Variants in MAGI2 observed in about 807,000 individuals in gnomAD.
The protein encoded by MAGI2 is membrane-associated guanylate kinase, WW and PDZ domain-containing protein 2.
In MAGI2, 35 loss-of-function variants were observed where a neutral mutation model predicts 133.3. That is an observed-to-expected ratio of 0.26 (90% CI 0.20 to 0.35). The LOEUF (loss-of-function observed/expected upper bound fraction) is 0.35. Among genes scored for constraint, MAGI2 ranks in the 10% least tolerant of loss-of-function variants. The pLI is 1.00. For synonymous variants in MAGI2, 729 were observed against 710.6 expected, an observed-to-expected ratio of 1.03 and a Z score of -0.41; for missense variants, 1,636 against 1,863.4, an observed-to-expected ratio of 0.88 and a Z score of 2.25.
At chr7:79,205,766 T>C (rs1422903197) in intron 1 of MAGI2, among the ~76,000 whole-genome samples, 1 of 151,850 alleles carries the variant, frequency 6.6e-6, no homozygotes, top group Non-Finnish European at 1.5e-5. Flanking sequence ...GGTGTGTGTG[T>C]GTGTGTGTGT....
intron 14 of MAGI2, among the ~76,000 whole-genome samples, chr7:78,176,058 G>C (rs1265535667): frequency 1.3e-5 from 2 of 152,134 alleles, no homozygotes; most frequent in Admixed American, 6.5e-5. Context: ...AGGGAGGCTG[G>C]AGGGCTGACT....
chr7:78,250,366 A>T (rs963688960), intron 10 of MAGI2, among the ~76,000 whole-genome samples: 1 of 152,138 alleles, frequency 6.6e-6, no homozygotes, highest in African/African-American at 2.4e-5. Flanking sequence ...AACACAACAT[A>T]GTAAAATTTA....
chr7:78,345,931 C>T lies in MAGI2; in HGVS notation c.1216G>A (p.Gly406Ser). Residue 406 changes from glycine (G) to serine (S), a missense_variant, in exon 8 of 22, where the codon GGT (glycine) becomes AGT (serine). Transcript: ENST00000354212. Reference protein sequence around the residue: ...ELGTKPLQAPGFREKPLFTRD... With the variant: ...ELGTKPLQAPSFREKPLFTRD... ...CTGACAGGTATCATACCTCGGAAAC[C>T]TGGGGCCTGCAGGGGCTTTGTTCCA... 1 of 1,614,020 alleles carries T rather than the reference C, an allele frequency of 6.2e-7. No homozygotes were observed. Among genetic ancestry groups the T allele is most frequent in the Non-Finnish European group, 8.5e-7 (1 of 1,180,010 alleles).
intron 2 of MAGI2, among the ~76,000 whole-genome samples, chr7:78,784,360 C>G (rs1231592091): frequency 6.6e-6 from 1 of 152,134 alleles, no homozygotes; most frequent in Admixed American, 6.6e-5. Flanking sequence ...CCTCCTGTCT[C>G]TTGCTCCTCA....
chr7:79,091,621 C>A (rs62460840), intron 1 of MAGI2, among the ~76,000 whole-genome samples: 1 of 151,482 alleles, frequency 6.6e-6, no homozygotes, highest in Non-Finnish European at 1.5e-5. Flanking sequence ...TAAAAAAAGT[C>A]TCTTAGAATC....
intron 3 of MAGI2, among the ~76,000 whole-genome samples, chr7:78,602,950 T>A (rs562063819): frequency 6.6e-6 from 1 of 152,296 alleles, no homozygotes; most frequent in South Asian, 2.1e-4. Context: ...AAATAAGAAT[T>A]ACAATAATGG....
chr7:78,750,326 G>C lies in MAGI2; in HGVS notation c.419-123087C>G, dbSNP rs1198913911. 4.6e-5 allele frequency among the ~76,000 whole-genome samples: 7 copies of C among 152,240 alleles called. No individual in the cohort carries two copies. The East Asian group carries it at 1.4e-3, about 29-fold the overall frequency. On this transcript the variant is annotated intron_variant, in intron 2 of 21. Coordinates refer to ENST00000354212, the MANE Select transcript of MAGI2 (RefSeq NM_012301.4). ...TTCCAAGTCTTTGCTATTGTGAACAGTGCTGCAATAAACATATGTGTGTAC... is the reference window on the plus strand; with the variant it reads ...TTCCAAGTCTTTGCTATTGTGAACACTGCTGCAATAAACATATGTGTGTAC...
At chr7:78,169,838 A>G (rs1276299108) in intron 14 of MAGI2, among the ~76,000 whole-genome samples, 3 of 152,198 alleles carry the variant, frequency 2.0e-5, no homozygotes, top group Non-Finnish European at 4.4e-5. Flanking sequence ...ACAGTCCAGA[A>G]GTTGGGTATG....
At chr7:79,348,988 T>C (rs1229128762) in intron 1 of MAGI2, among the ~76,000 whole-genome samples, 3 of 151,938 alleles carry the variant, frequency 2.0e-5, no homozygotes, top group African/African-American at 7.2e-5. Context: ...AGTCTTAAAG[T>C]ATTTAGCTCA....
chr7:78,053,519 G>T (rs1282240385), intron 21 of MAGI2, among the ~76,000 whole-genome samples: 1 of 152,224 alleles, frequency 6.6e-6, no homozygotes, highest in Non-Finnish European at 1.5e-5. Context: ...ATATTTGAAG[G>T]TCAAAAAGTG....
At chr7:79,064,804 A>T (rs1296076561) in intron 1 of MAGI2, among the ~76,000 whole-genome samples, 4 of 152,070 alleles carry the variant, frequency 2.6e-5, no homozygotes, top group African/African-American at 9.7e-5. Context: ...CGGCTGTTTC[A>T]CTAGGTTGTA....
At chr7:78,289,985 C>T (rs1796534892) in intron 9 of MAGI2, among the ~76,000 whole-genome samples, 1 of 152,136 alleles carries the variant, frequency 6.6e-6, no homozygotes, top group African/African-American at 2.4e-5. Context: ...CAACCGGTAC[C>T]AGCCACTGCA....
intron 3 of MAGI2, among the ~76,000 whole-genome samples, chr7:78,547,201 T>C (rs577528726): frequency 1.3e-5 from 2 of 152,330 alleles, no homozygotes; most frequent in Non-Finnish European, 2.9e-5. Flanking sequence ...CTTCTAATAC[T>C]AAATATTGAA....
At chr7:78,236,169 T>C (rs1287590424) in intron 10 of MAGI2, among the ~76,000 whole-genome samples, 1 of 152,084 alleles carries the variant, frequency 6.6e-6, no homozygotes, top group Admixed American at 6.6e-5. Context: ...CAAGAACTTA[T>C]CTTGTTAACT....
At chr7:79,095,041 T>C (rs1817400861) in intron 1 of MAGI2, among the ~76,000 whole-genome samples, 1 of 152,190 alleles carries the variant, frequency 6.6e-6, no homozygotes, top group South Asian at 2.1e-4. Context: ...GAATTCCCTC[T>C]AGATAGGAAA....
At chr7:78,675,382 A>C (rs1814904459) in intron 2 of MAGI2, among the ~76,000 whole-genome samples, 2 of 152,058 alleles carry the variant, frequency 1.3e-5, no homozygotes, top group African/African-American at 4.8e-5. Context: ...GCAGGTAAGC[A>C]GAGGTAAGAG....
At chr7:79,102,812 C>A (rs1189662418) in intron 1 of MAGI2, among the ~76,000 whole-genome samples, 1 of 152,144 alleles carries the variant, frequency 6.6e-6, no homozygotes, top group East Asian at 1.9e-4. Context: ...GCTACAGTCC[C>A]ATTATTCAGT....
intron 16 of MAGI2, among the ~76,000 whole-genome samples, chr7:78,149,367 AT>A (rs753453799): frequency 1.3e-5 from 2 of 152,172 alleles, no homozygotes; most frequent in Non-Finnish European, 2.9e-5. Flanking sequence ...AGAGTGACAA[AT>A]ATAATTGTGT....
intron 1 of MAGI2, among the ~76,000 whole-genome samples, chr7:79,213,410 C>T (rs1177122180): frequency 2.0e-5 from 3 of 151,966 alleles, no homozygotes; most frequent in Non-Finnish European, 4.4e-5. Context: ...TCCCAAACCC[C>T]TGGGCTCAAG....
Sources: allele counts gnomAD v4.1 joint callset (sites outside exome capture counted in the v4.1 genomes callset), GRCh38; gene constraint gnomAD v4.1.1; transcripts MANE v1.5; gene names NCBI Gene and HGNC (gene_info 2026-07-23, HGNC 2026-07-21).